NRXN3: variants seen among roughly 807,000 people sequenced by gnomAD.
NRXN3 encodes the protein neurexin 3, also known as neurexin III.
Under a neutral mutation model 137.6 loss-of-function variants are expected in NRXN3, and 32 were observed. That is an observed-to-expected ratio of 0.23 (90% CI 0.18 to 0.31). The LOEUF is 0.31. NRXN3 is among the 10% of genes least tolerant of loss of function. The pLI, the probability that NRXN3 is intolerant of heterozygous loss-of-function variation, is 1.00. For missense variants in NRXN3, 1,574 were observed against 2,062.5 expected, an observed-to-expected ratio of 0.76 and a Z score of 4.59; for synonymous variants, 798 against 784.5, an observed-to-expected ratio of 1.02 and a Z score of -0.29.
At chr14:78,444,583 C>T (rs1358686837) in intron 4 of NRXN3, among the ~76,000 whole-genome samples, 1 of 152,008 alleles carries the variant, frequency 6.6e-6, no homozygotes, top group African/African-American at 2.4e-5. Flanking sequence ...AAGGTGTTTC[C>T]CATAGGTCAT....
intron 19 of NRXN3, among the ~76,000 whole-genome samples, chr14:79,775,147 T>C (rs901382408): frequency 3.9e-5 from 6 of 152,194 alleles, no homozygotes; most frequent in African/African-American, 1.2e-4. Flanking sequence ...CGTAATTCTA[T>C]GATCTATTAA....
chr14:79,561,847 G>A (rs888186539), intron 16 of NRXN3, among the ~76,000 whole-genome samples: 2 of 152,134 alleles, frequency 1.3e-5, no homozygotes, highest in South Asian at 2.1e-4. Context: ...TCGAAAGACT[G>A]AATACTGATG....
rs182289624 is a variant in NRXN3 at position 78,343,001 on chromosome 14, G to A, written c.757+45141G>A. ...AGAGAAAGTTTGGCATAGTTCAGTC[G>A]TTCTCAAAGTTTGGCTACCAGACTA... On this transcript the variant is annotated intron_variant, in intron 4 of 20. Coordinates refer to ENST00000335750, the MANE Select transcript of NRXN3 (RefSeq NM_001330195.2). 1.8e-4 allele frequency among the ~76,000 whole-genome samples: 28 copies of A among 152,136 alleles called. 1 individual carries two copies. The highest frequency in any genetic ancestry group is 4.2e-4 in the South Asian group (2 of 4,804).
intron 15 of NRXN3, among the ~76,000 whole-genome samples, chr14:79,346,230 A>G (rs561222219): frequency 1.3e-5 from 2 of 152,232 alleles, no homozygotes; most frequent in African/African-American, 4.8e-5. Context: ...GGTCAGCCTG[A>G]CCAACATAGT....
At chr14:78,632,819 C>G (rs1194446376) in intron 4 of NRXN3, among the ~76,000 whole-genome samples, 2 of 152,102 alleles carry the variant, frequency 1.3e-5, no homozygotes, top group Non-Finnish European at 1.5e-5. Flanking sequence ...CAGGTTAATT[C>G]TTGTCAAATG....
chr14:79,036,346 A>G (rs1595197572), intron 15 of NRXN3, among the ~76,000 whole-genome samples: 1 of 152,052 alleles, frequency 6.6e-6, no homozygotes, highest in East Asian at 1.9e-4. Context: ...AGAAAAAAAT[A>G]TTCCACAAGT....
At chr14:79,704,769 G>A (rs527350836) in intron 19 of NRXN3, among the ~76,000 whole-genome samples, 1 of 152,174 alleles carries the variant, frequency 6.6e-6, no homozygotes, top group East Asian at 1.9e-4. Flanking sequence ...AGAATAATTT[G>A]GGGGGAGAGA....
At chr14:79,857,432 C>A (rs1332888438) in intron 20 of NRXN3, among the ~76,000 whole-genome samples, 2 of 152,112 alleles carry the variant, frequency 1.3e-5, no homozygotes, top group East Asian at 3.9e-4. Flanking sequence ...CCGTGTTAGC[C>A]AGGATGGTTT....
intron 15 of NRXN3, among the ~76,000 whole-genome samples, chr14:79,050,059 G>A (rs2099639640): frequency 6.6e-6 from 1 of 152,060 alleles, no homozygotes; most frequent in Admixed American, 6.6e-5. Context: ...TTGATTACAT[G>A]CATCTCTCAA....
chr14:79,108,559 G>T (rs2152872389), intron 15 of NRXN3, among the ~76,000 whole-genome samples: 1 of 152,266 alleles, frequency 6.6e-6, no homozygotes. Context: ...ACATTAAGGA[G>T]TACTGTCTGA....
chr14:78,313,117 T>C (rs1374237651), intron 4 of NRXN3, among the ~76,000 whole-genome samples: 2 of 152,324 alleles, frequency 1.3e-5, no homozygotes, highest in Admixed American at 6.5e-5. Context: ...GTAATGACTT[T>C]TGTCAACTTT....
chr14:79,602,056 T>C (rs2097929321), intron 16 of NRXN3, among the ~76,000 whole-genome samples: 2 of 152,222 alleles, frequency 1.3e-5, no homozygotes, highest in Admixed American at 1.3e-4. Flanking sequence ...TTCTTTGATT[T>C]AAAACACTGA....
intron 16 of NRXN3, among the ~76,000 whole-genome samples, chr14:79,661,277 G>T (rs1199149872): frequency 6.6e-6 from 1 of 152,122 alleles, no homozygotes; most frequent in African/African-American, 2.4e-5. Context: ...AGAACATGGG[G>T]ATTGCAGACA....
intron 4 of NRXN3, among the ~76,000 whole-genome samples, chr14:78,353,474 G>A (rs1205161941): frequency 6.6e-6 from 1 of 152,094 alleles, no homozygotes; most frequent in African/African-American, 2.4e-5. Context: ...GCTCTCCGGG[G>A]ACTGTTTTAT....
chr14:79,761,263 G>A (rs1603468158), intron 19 of NRXN3, among the ~76,000 whole-genome samples: 2 of 151,648 alleles, frequency 1.3e-5, no homozygotes, highest in Non-Finnish European at 2.9e-5. Flanking sequence ...TATCTGATAA[G>A]GAAGCAGCGA....
At chr14:79,816,968 G>A (rs937164490) in intron 20 of NRXN3, among the ~76,000 whole-genome samples, 1 of 152,184 alleles carries the variant, frequency 6.6e-6, no homozygotes, top group African/African-American at 2.4e-5. Flanking sequence ...CAGCTTTTTA[G>A]TCCTTCTAAT....
intron 15 of NRXN3, among the ~76,000 whole-genome samples, chr14:79,232,315 A>G (rs1235365592): frequency 6.6e-6 from 1 of 151,994 alleles, no homozygotes; most frequent in East Asian, 1.9e-4. Context: ...CGATTTCTTT[A>G]ATCTAGCCTT....
chr14:79,655,588 A>C (rs565792873), intron 16 of NRXN3, among the ~76,000 whole-genome samples: 7 of 152,230 alleles, frequency 4.6e-5, no homozygotes, highest in Non-Finnish European at 1.0e-4. Context: ...CTTTTTTTTC[A>C]TGCAATACAT....
At chr14:79,728,254 G>T (rs1466306014) in intron 19 of NRXN3, among the ~76,000 whole-genome samples, 1 of 152,304 alleles carries the variant, frequency 6.6e-6, no homozygotes, top group East Asian at 1.9e-4. Context: ...CCAGCTACTT[G>T]ATAGCCTATA....
Sources: gnomAD v4.1 joint callset for allele counts (sites outside exome capture counted in the v4.1 genomes callset) on GRCh38, gnomAD v4.1.1 for gene constraint, MANE v1.5 for transcripts, NCBI Gene and HGNC (gene_info 2026-07-23, HGNC 2026-07-21) for gene names.